Variants in HPS4 observed in about 807,000 individuals in gnomAD.
The protein encoded by HPS4 is HPS4 biogenesis of lysosomal organelles complex 3 subunit 2.
A neutral mutation model predicts 70.3 loss-of-function variants in HPS4; 44 were observed. The ratio of observed to expected loss-of-function variants is 0.63; its 90% CI spans 0.49 to 0.80. HPS4 has a LOEUF of 0.80. Ranked by LOEUF, HPS4 falls within the 30% of genes least tolerant of loss-of-function variation. HPS4 has a pLI of 0.00. For missense variants in HPS4, 873 were observed against 884.4 expected, an observed-to-expected ratio of 0.99 and a Z score of 0.16; for synonymous variants, 377 against 355.9, an observed-to-expected ratio of 1.06 and a Z score of -0.67.
In HPS4 at chr22:26,451,324, C is replaced by T. The variant is rs557130630; in HGVS notation, c.*1909G>A. Among the ~76,000 whole-genome samples the T allele has an allele frequency of 1.3e-5, 2 of 152,188 alleles. No individual in the cohort carries two copies. Among genetic ancestry groups the T allele is most frequent in the Admixed American group, 1.3e-4 (2 of 15,282 alleles). Reference sequence around the variant, plus strand: ...GAAATATTAAAAAACGGGAAAACAGCGGGTTAAGTGTTTCTTCTCTGCAGC... The same window carrying T: ...GAAATATTAAAAAACGGGAAAACAGTGGGTTAAGTGTTTCTTCTCTGCAGC... On this transcript the variant is annotated 3_prime_UTR_variant, in exon 14 of 14. Transcript: ENST00000398145.
rs59288531 is a variant in HPS4, at chr22:26,476,690, A to T, written c.276+303T>A. On this transcript the variant is annotated intron_variant, in intron 4 of 13. Transcript: ENST00000398145. ...AAGTGTAGAGAGCATGGAGAAGAAA[A>T]GATGATGATAAAAACTCAATTTACA... The T allele has an allele frequency of 4.2e-3, 1,547 of 368,490 alleles. 36 individuals carry two copies. The East Asian group carries it at 0.064, about 15-fold the overall frequency. The allele number at this position is 368,490 out of a possible 1,614,324, so 22.8% of individuals were successfully genotyped here.
Position 26,451,205 on chromosome 22 carries a change from G to A in HPS4, c.*2028C>T, listed in dbSNP as rs552595828. On this transcript the variant is annotated 3_prime_UTR_variant, in exon 14 of 14. Transcript: ENST00000398145. ...GCAAGAACATGCTGCTTGGCTGTCC[G>A]TCGCTTGGCCCGTACTCTGGGGGCG... Among the ~76,000 whole-genome samples the A allele has an allele frequency of 1.3e-5, 2 of 152,338 alleles. No homozygotes were observed. Among genetic ancestry groups the A allele is most frequent in the East Asian group, 1.9e-4 (1 of 5,186 alleles).
intron 13 of HPS4, among the ~76,000 whole-genome samples, chr22:26,454,799 AC>A (rs1181419812): frequency 3.3e-5 from 5 of 152,072 alleles, no homozygotes; most frequent in Non-Finnish European, 4.4e-5. Flanking sequence ...CAGGCAACCT[AC>A]AGAACGGGAG....
intron 2 of HPS4, chr22:26,479,737 C>A: frequency 4.9e-6 from 5 of 1,010,990 alleles, no homozygotes; most frequent in Non-Finnish European, 6.0e-6. Flanking sequence ...GTATTAGATG[C>A]ACTCCTCATA....
At chr22:26,481,669 A>G (rs566568340) in intron 2 of HPS4, 53 bp downstream of exon 2, 26 of 1,554,924 alleles carry the variant, frequency 1.7e-5, no homozygotes, top group East Asian at 4.5e-5. Context: ...TAACCCCAAA[A>G]CTCTAACCAA....
chr22:26,457,210 C>CCTTTTTTTTTT lies in HPS4; in HGVS notation c.1955+648_1955+649insAAAAAAAAAAG, dbSNP rs386395106. Among the ~76,000 whole-genome samples the CCTTTTTTTTTT allele has an allele frequency of 2.7e-4, 7 of 25,556 alleles. 2 individuals carry two copies. Among genetic ancestry groups the CCTTTTTTTTTT allele is most frequent in the African/African-American group, 1.5e-4 (2 of 13,398 alleles). 16.8% of individuals were successfully genotyped at this position (25,556 alleles called of 152,430 possible). The stretch of plus-strand genomic sequence containing the variant: ...ATGACTGTATGATCAGCACGTATTA[C>CCTTTTTTTTTT]TTTTTTTTTTTTTTTTTTTTTTCTG... On this transcript the variant is annotated intron_variant, in intron 13 of 13. Coordinates refer to ENST00000398145, the MANE Select transcript of HPS4 (RefSeq NM_022081.6).
intron 8 of HPS4, chr22:26,467,743 G>A (rs1601950669): frequency 6.6e-6 from 1 of 152,266 alleles, no homozygotes; most frequent in Non-Finnish European, 1.5e-5. Flanking sequence ...AGGACTGGAA[G>A]GAGATATGCC....
intron 4 of HPS4, chr22:26,476,721 G>A (rs140111645): frequency 3.5e-4 from 153 of 443,164 alleles, no homozygotes; most frequent in African/African-American, 2.9e-3. Context: ...TTACAACACA[G>A]AGTAAACAGA....
At chr22:26,477,566 G>A (rs1056073540) in intron 3 of HPS4, among the ~76,000 whole-genome samples, 7 of 152,142 alleles carry the variant, frequency 4.6e-5, no homozygotes, top group Non-Finnish European at 1.0e-4. Context: ...AACTATCCAT[G>A]TCAGAGCACA....
intron 11 of HPS4, among the ~76,000 whole-genome samples, chr22:26,461,431 G>A (rs2087245836): frequency 6.6e-6 from 1 of 152,032 alleles, no homozygotes; most frequent in African/African-American, 2.4e-5. Context: ...CTCCCTCTGA[G>A]GGAATTCCAG....
intron 4 of HPS4, among the ~76,000 whole-genome samples, chr22:26,473,873 AAACT>A (rs1201990997): frequency 6.6e-6 from 1 of 152,278 alleles, no homozygotes; most frequent in Non-Finnish European, 1.5e-5. Context: ...TCAGATATTT[AAACT>A]AATAAACCCT....
At chr22:26,458,895 ATTTTTCT>A (rs1384797768) in intron 11 of HPS4, among the ~76,000 whole-genome samples, 1 of 151,924 alleles carries the variant, frequency 6.6e-6, no homozygotes, top group African/African-American at 2.4e-5. Flanking sequence ...TCTCACCAAC[ATTTTTCT>A]TTCACCCTTA....
In HPS4 at chr22:26,465,762, C is replaced by T. The variant is rs907054598; in HGVS notation, c.707-211G>A. The T allele has an allele frequency of 5.0e-6, 3 of 597,182 alleles. No homozygotes were observed. The African/African-American group carries it at 5.6e-5, about 11-fold the overall frequency. The allele number at this position is 597,182 out of a possible 1,614,324, so 37.0% of individuals were successfully genotyped here. On this transcript the variant is annotated intron_variant, in intron 9 of 13. Coordinates refer to ENST00000398145, the MANE Select transcript of HPS4 (RefSeq NM_022081.6). ...GAGTCCCTGCAGGCAACATGACTCCCAGCTTTGGAGAAGGAAGATGTTCGG... is the reference window on the plus strand; with the variant it reads ...GAGTCCCTGCAGGCAACATGACTCCTAGCTTTGGAGAAGGAAGATGTTCGG...
intron 1 of HPS4, 77 bp downstream of exon 1, chr22:26,483,597 T>C (rs3747136): frequency 0.13 from 30,735 of 243,478 alleles, 2,311 homozygotes; most frequent in Non-Finnish European, 0.17. Context: ...CGCCTAAGGA[T>C]TAGGCGGGGT....
Position 26,451,974 on chromosome 22 carries a change from T to C in HPS4, c.*1259A>G, listed in dbSNP as rs950320876. 3.8e-5 allele frequency: 7 copies of C among 182,628 alleles called. No individual in the cohort carries two copies. The highest frequency in any genetic ancestry group is 1.5e-4 in the African/African-American group (6 of 39,674). 11.3% of individuals were successfully genotyped at this position (182,628 alleles called of 1,614,324 possible). ...TGAACCCAGGGAAGGAAAAGAGGGA[T>C]GCGCCCACGTTACGCGCGCGCGCGC... On this transcript the variant is annotated 3_prime_UTR_variant, in exon 14 of 14. Coordinates refer to ENST00000398145, the MANE Select transcript of HPS4 (RefSeq NM_022081.6).
At chr22:26,471,480 G>C in intron 6 of HPS4, 1 of 446,536 alleles carries the variant, frequency 2.2e-6, no homozygotes, top group South Asian at 1.6e-5. Flanking sequence ...GCTAGAACCA[G>C]CAAGTATCCA....
At chr22:26,472,461 G>A (rs751391233) in intron 5 of HPS4, 43 bp from the exon 6 acceptor site, 1 of 1,264,314 alleles carries the variant, frequency 7.9e-7, no homozygotes, top group East Asian at 2.3e-5. Flanking sequence ...AGATTTTGAG[G>A]GACAGATTCT....
chr22:26,469,695 A>G (rs573633004), intron 7 of HPS4, among the ~76,000 whole-genome samples: 1 of 58,582 alleles, frequency 1.7e-5, no homozygotes, highest in South Asian at 8.6e-4. Context: ...TACAAAAAAA[A>G]AAAAAAGAAA....
intron 13 of HPS4, among the ~76,000 whole-genome samples, chr22:26,454,936 C>A (rs1446895029): frequency 1.3e-5 from 2 of 152,154 alleles, no homozygotes; most frequent in Non-Finnish European, 2.9e-5. Context: ...TGAACAGACA[C>A]TTCTCAAAAG....
Sources: gnomAD v4.1 joint callset for allele counts (sites outside exome capture counted in the v4.1 genomes callset) on GRCh38, gnomAD v4.1.1 for gene constraint, MANE v1.5 for transcripts, NCBI Gene and HGNC (gene_info 2026-07-23, HGNC 2026-07-21) for gene names.